Variants in STAG2 observed in about 807,000 individuals in gnomAD.
The protein encoded by STAG2 is STAG2 cohesin complex component, also known as cohesin subunit SA-2.
STAG2 carries 14 observed loss-of-function variants against 108.1 expected under a neutral mutation model. That is an observed-to-expected ratio of 0.13 (90% CI 0.09 to 0.20). STAG2 has a LOEUF of 0.20. Ranked by LOEUF, STAG2 falls within the 10% of genes least tolerant of loss-of-function variation. STAG2 has a pLI of 1.00. For synonymous variants in STAG2, 307 were observed against 302.7 expected, an observed-to-expected ratio of 1.01 and a Z score of -0.15; for missense variants, 440 against 940.9, an observed-to-expected ratio of 0.47 and a Z score of 6.96.
At chrX:124,011,716 A>G (rs1472109739) in intron 1 of STAG2, among the ~76,000 whole-genome samples, 1 of 111,232 alleles carries the variant, frequency 9.0e-6, no homozygotes, top group Admixed American at 9.6e-5. Context: ...TAGGTGTTGC[A>G]AGGCATCACA....
intron 5 of STAG2, among the ~76,000 whole-genome samples, chrX:124,033,605 TAAA>T (rs1019862972): frequency 9.1e-6 from 1 of 110,380 alleles, no homozygotes; most frequent in African/African-American, 3.3e-5. Flanking sequence ...CTACTAAAAA[TAAA>T]AAAGTTAGCT....
chrX:124,090,859 A>G lies in STAG2; in HGVS notation c.3473A>G (p.Gln1158Arg). 8.3e-7 allele frequency: 1 copy of G among 1,210,074 alleles called. No homozygotes were observed. The highest frequency in any genetic ancestry group is 1.1e-6 in the Non-Finnish European group (1 of 894,157). ...GAATAAAATTCTCCTTGAAGCACGC[A>G]GGTAACATGGATGTTAGCTCAAAGA... ...HHQTPLDYNT[Q>R]VTWMLAQRQQ... Residue 1158 changes from glutamine to arginine, a missense_variant, in exon 32 of 35, where the codon CAG becomes CGG. Gln to Arg is a conservative substitution (Grantham distance 43). Transcript: ENST00000371145.
chrX:124,062,435 T>A (rs1321931276), intron 17 of STAG2, among the ~76,000 whole-genome samples: 1 of 112,334 alleles, frequency 8.9e-6, no homozygotes, highest in Non-Finnish European at 1.9e-5. Context: ...TGTGATGCTT[T>A]CTGTGTTTTC....
chrX:124,048,521 G>C (rs2057940901), intron 9 of STAG2, among the ~76,000 whole-genome samples: 1 of 111,447 alleles, frequency 9.0e-6, no homozygotes, highest in Non-Finnish European at 1.9e-5. Flanking sequence ...TGCAACCTCT[G>C]CCTCCCAGGT....
At position 124,101,230 on chromosome X, in the gene STAG2, T is replaced by C; in HGVS notation, c.*633T>C. ...AAAATCCAAGAGCTTCTCTATACTT[T>C]TCAGAAATATCCAGATGCAGTGAAC... On this transcript the variant is annotated 3_prime_UTR_variant, in exon 35 of 35. Transcript: ENST00000371145. 1 of 152,592 alleles carries C rather than the reference T, an allele frequency of 6.6e-6. No homozygotes were observed. Among genetic ancestry groups the C allele is most frequent in the East Asian group, 1.0e-4 (1 of 9,871 alleles). 12.6% of individuals were successfully genotyped at this position (152,592 alleles called of 1,213,427 possible).
chrX:124,016,392 A>C (rs2056729513), intron 1 of STAG2, among the ~76,000 whole-genome samples: 1 of 111,844 alleles, frequency 8.9e-6, no homozygotes, highest in Admixed American at 9.5e-5. Flanking sequence ...ATTGTAAATA[A>C]AAAATTAAAA....
chrX:124,059,211 G>T (rs993088259), intron 15 of STAG2, among the ~76,000 whole-genome samples: 5 of 111,781 alleles, frequency 4.5e-5, no homozygotes, highest in Admixed American at 2.8e-4. Flanking sequence ...CAGCTACTTG[G>T]AAGGCTGAGG....
In STAG2 at chrX:124,033,703, A is replaced by C. The variant is rs776873943; in HGVS notation, c.288+2578A>C. On this transcript the variant is annotated intron_variant, in intron 5 of 34. Coordinates refer to ENST00000371145, the MANE Select transcript of STAG2 (RefSeq NM_001042750.2). ...CTTGAACCCTGGAGGCGTAGGTTGC[A>C]GTGAGCTGAGATCGCACCATTGCAC... Among the ~76,000 whole-genome samples the C allele has an allele frequency of 6.2e-5, 7 of 112,137 alleles. No homozygotes were observed. The East Asian group carries it at 1.9e-3, about 31-fold the overall frequency.
intron 1 of STAG2, among the ~76,000 whole-genome samples, chrX:124,006,040 T>C (rs2056272219): frequency 9.0e-6 from 1 of 111,284 alleles, no homozygotes; most frequent in Admixed American, 9.6e-5. Flanking sequence ...ACCACTCATA[T>C]TGCATTCCTC....
In STAG2 at chrX:124,063,163, G is replaced by A. The variant is rs780558793; in HGVS notation, c.1779G>A (p.Gln593=). ...EKVTNLLQLP[Q]YFDLEIYTTG... is the part of the protein sequence containing the mutation. ...TGACTAACTTGTTGCAGTTGCCTCA[G>A]TACTTTGATTTGGAAATATATACCA... The change falls in exon 19 of 35, where the codon CAG becomes CAA. Residue 593 remains glutamine (Q), a synonymous_variant. Coordinates refer to ENST00000371145, the MANE Select transcript of STAG2 (RefSeq NM_001042750.2). The A allele has an allele frequency of 4.2e-5, 51 of 1,205,763 alleles. No individual in the cohort carries two copies. The highest frequency in any genetic ancestry group is 5.3e-5 in the Non-Finnish European group (47 of 892,760).
chrX:124,046,016 T>C (rs902728543), intron 8 of STAG2, among the ~76,000 whole-genome samples: 1 of 111,723 alleles, frequency 9.0e-6, no homozygotes, highest in Middle Eastern at 4.7e-3. Context: ...AAATAAGGTA[T>C]ATTTTTATAC....
intron 1 of STAG2, among the ~76,000 whole-genome samples, chrX:124,013,639 G>A (rs1361425074): frequency 5.4e-5 from 6 of 111,353 alleles, no homozygotes; most frequent in Non-Finnish European, 1.1e-4. Context: ...CTATAATATG[G>A]TATCCAGTGT....
At chrX:123,986,137 CATAT>C (rs35631912) in intron 1 of STAG2, among the ~76,000 whole-genome samples, 1 of 103,819 alleles carries the variant, frequency 9.6e-6, no homozygotes, top group African/African-American at 3.5e-5. Context: ...ATATATGTAT[CATAT>C]ATGTATATAT....
In STAG2 at chrX:123,992,489, C is replaced by T. The variant is rs771348925; in HGVS notation, c.-162-28878C>T. ...CATTTGAGTCTAAGTTTACTGCACT[C>T]GAAGAGATCAATTCATTGAGGGCTG... On this transcript the variant is annotated intron_variant, in intron 1 of 34. Coordinates refer to ENST00000371145, the MANE Select transcript of STAG2 (RefSeq NM_001042750.2). Among the ~76,000 whole-genome samples the T allele has an allele frequency of 1.1e-4, 12 of 109,576 alleles. No homozygotes were observed. The South Asian group carries it at 2.4e-3, about 22-fold the overall frequency.
Position 124,094,139 on chromosome X carries a change from G to A in STAG2, c.3700G>A (p.Asp1234Asn). The change falls in exon 33 of 35, where the codon GAT becomes AAT. Residue 1234 changes from aspartate (D) to asparagine (N), a missense_variant. Asp to Asn is a conservative substitution (Grantham distance 23, BLOSUM62 1). Transcript: ENST00000371145. ...AATGGATTTTGACACCATGGATATA[G>A]ATTTGGTAAGAAACTTAATGATTTC... ...EGMDFDTMDI[D>N]LPPSKNRRER... is the part of the protein sequence containing the mutation. The A allele has an allele frequency of 8.3e-7, 1 of 1,200,119 alleles. No homozygotes were observed. The highest frequency in any genetic ancestry group is 1.1e-6 in the Non-Finnish European group (1 of 888,427).
At chrX:124,050,646 TATTCA>T (rs1389489609) in intron 11 of STAG2, among the ~76,000 whole-genome samples, 1 of 111,295 alleles carries the variant, frequency 9.0e-6, no homozygotes, top group Non-Finnish European at 1.9e-5. Context: ...AAAAAAAAAT[TATTCA>T]ATTTTGATCC....
chrX:124,078,945 G>A (rs1416132652), intron 27 of STAG2, among the ~76,000 whole-genome samples: 1 of 107,086 alleles, frequency 9.3e-6, no homozygotes, highest in Non-Finnish European at 1.9e-5. Context: ...CTCCAGCCTG[G>A]GCGACAGAGT....
chrX:124,082,058 A>G (rs1316098020), intron 28 of STAG2, among the ~76,000 whole-genome samples: 4 of 112,532 alleles, frequency 3.6e-5, no homozygotes, highest in African/African-American at 1.3e-4. Context: ...AATTTAAACC[A>G]TACAAAGTCT....
chrX:123,990,338 A>C (rs750108193), intron 1 of STAG2, among the ~76,000 whole-genome samples: 1 of 112,003 alleles, frequency 8.9e-6, no homozygotes, highest in African/African-American at 3.2e-5. Context: ...CTTTGTAACT[A>C]TACAAAGTGA....
Sources: allele counts gnomAD v4.1 joint callset (sites outside exome capture counted in the v4.1 genomes callset), GRCh38; gene constraint gnomAD v4.1.1; transcripts MANE v1.5; gene names NCBI Gene and HGNC (gene_info 2026-07-23, HGNC 2026-07-21).